Variants in ADAMTS14 observed in about 807,000 individuals in gnomAD.
ADAMTS14 encodes the protein ADAM metallopeptidase with thrombospondin type 1 motif 14.
ADAMTS14 carries 100 observed loss-of-function variants against 128.6 expected under a neutral mutation model. The observed-to-expected ratio is 0.78, with a 90% CI of 0.66 to 0.92. The LOEUF (loss-of-function observed/expected upper bound fraction) is 0.92. Among genes scored for constraint, ADAMTS14 ranks in the 40% least tolerant of loss-of-function variants. The pLI is 0.00. For missense variants in ADAMTS14, 1,562 were observed against 1,658.6 expected, an observed-to-expected ratio of 0.94 and a Z score of 1.01; for synonymous variants, 665 against 653.8, an observed-to-expected ratio of 1.02 and a Z score of -0.26.
chr10:70,673,176 C>A (rs1171272697), intron 1 of ADAMTS14, among the ~76,000 whole-genome samples: 1 of 152,156 alleles, frequency 6.6e-6, no homozygotes, highest in East Asian at 1.9e-4. Flanking sequence ...TCTTCTTTCC[C>A]CTCTTCCCCA....
intron 2 of ADAMTS14, among the ~76,000 whole-genome samples, chr10:70,694,332 G>A (rs1589270804): frequency 6.6e-6 from 1 of 152,292 alleles, no homozygotes; most frequent in East Asian, 1.9e-4. Flanking sequence ...TCGTCTCCAT[G>A]CATGCATATT....
chr10:70,712,735 G>A (rs1166209959), intron 4 of ADAMTS14, among the ~76,000 whole-genome samples: 1 of 152,178 alleles, frequency 6.6e-6, no homozygotes, highest in Non-Finnish European at 1.5e-5. Flanking sequence ...CCGATAAGGG[G>A]GAAAGACACG....
chr10:70,750,050 C>CTGT, intron 16 of ADAMTS14, 65 bp downstream of exon 16: 1 of 1,581,180 alleles, frequency 6.3e-7, no homozygotes, highest in Non-Finnish European at 8.6e-7. Context: ...CTCGCTACAT[C>CTGT]TGCTGCCAAG....
intron 16 of ADAMTS14, 135 bp from the exon 17 acceptor site, chr10:70,751,343 G>C (rs1017545625): frequency 6.9e-6 from 6 of 874,380 alleles, no homozygotes; most frequent in Admixed American, 2.1e-5. Flanking sequence ...CCCCAGCCAT[G>C]CTGGGCACAA....
intron 4 of ADAMTS14, among the ~76,000 whole-genome samples, chr10:70,719,583 T>A (rs117524012): frequency 0.068 from 10,065 of 147,674 alleles, 444 homozygotes; most frequent in East Asian, 0.18. Flanking sequence ...TATTTTTTTT[T>A]TTAAAAAATA....
chr10:70,691,956 T>C (rs1201953545), intron 2 of ADAMTS14, among the ~76,000 whole-genome samples: 2 of 152,208 alleles, frequency 1.3e-5, no homozygotes, highest in Non-Finnish European at 2.9e-5. Flanking sequence ...TAAATGTCCC[T>C]TTTCGTGCCA....
At chr10:70,694,343 A>G (rs1840274186) in intron 2 of ADAMTS14, among the ~76,000 whole-genome samples, 1 of 152,202 alleles carries the variant, frequency 6.6e-6, no homozygotes, top group African/African-American at 2.4e-5. Flanking sequence ...CATGCATATT[A>G]TCTTTTTAAT....
intron 6 of ADAMTS14, among the ~76,000 whole-genome samples, chr10:70,731,950 G>A (rs1841652649): frequency 1.3e-5 from 2 of 152,162 alleles, no homozygotes; most frequent in Admixed American, 1.3e-4. Flanking sequence ...ATTGACTGTG[G>A]GACTGGAGGG....
intron 5 of ADAMTS14, 22 bp downstream of exon 5, chr10:70,729,399 C>T (rs1841554076): frequency 6.2e-7 from 1 of 1,605,268 alleles, no homozygotes; most frequent in Non-Finnish European, 8.5e-7. Context: ...TGTCAGCAGG[C>T]AGGGTTTGCG....
intron 15 of ADAMTS14, among the ~76,000 whole-genome samples, chr10:70,748,439 G>A (rs1049280029): frequency 2.6e-5 from 4 of 152,224 alleles, no homozygotes; most frequent in African/African-American, 9.6e-5. Flanking sequence ...GAACCTGAGG[G>A]AGAGGCCTGG....
At chr10:70,712,671 T>C (rs1840899160) in intron 4 of ADAMTS14, among the ~76,000 whole-genome samples, 1 of 152,080 alleles carries the variant, frequency 6.6e-6, no homozygotes, top group Non-Finnish European at 1.5e-5. Flanking sequence ...TTTGCGTTGC[T>C]CTTAGTGACC....
chr10:70,717,569 T>C (rs1467188409), intron 4 of ADAMTS14, among the ~76,000 whole-genome samples: 1 of 152,270 alleles, frequency 6.6e-6, no homozygotes. Flanking sequence ...AAGGTGGATC[T>C]GCAGGTTCCC....
At chr10:70,698,628 A>T (rs1840402747) in intron 2 of ADAMTS14, among the ~76,000 whole-genome samples, 1 of 152,222 alleles carries the variant, frequency 6.6e-6, no homozygotes, top group Non-Finnish European at 1.5e-5. Flanking sequence ...GGTAGGATGC[A>T]CGCAATGGGA....
intron 16 of ADAMTS14, among the ~76,000 whole-genome samples, chr10:70,750,965 C>A (rs972201735): frequency 4.6e-5 from 7 of 152,172 alleles, no homozygotes; most frequent in African/African-American, 1.7e-4. Flanking sequence ...TAAAAGCATA[C>A]ACAGCAAAAG....
At chr10:70,699,690 G>A (rs1195335307) in intron 2 of ADAMTS14, among the ~76,000 whole-genome samples, 1 of 152,318 alleles carries the variant, frequency 6.6e-6, no homozygotes, top group East Asian at 1.9e-4. Context: ...TGGAGGCCAC[G>A]TGGAGTCACT....
intron 19 of ADAMTS14, among the ~76,000 whole-genome samples, chr10:70,757,157 C>A (rs887948396): frequency 7.2e-5 from 11 of 152,032 alleles, no homozygotes; most frequent in Non-Finnish European, 1.3e-4. Flanking sequence ...TTCCTGGAGT[C>A]CCTGCCCCTC....
intron 2 of ADAMTS14, among the ~76,000 whole-genome samples, chr10:70,695,852 G>T (rs1013361052): frequency 6.6e-6 from 1 of 152,240 alleles, no homozygotes; most frequent in Non-Finnish European, 1.5e-5. Context: ...CTAAAGCCAT[G>T]GTCCTGGGGA....
intron 4 of ADAMTS14, among the ~76,000 whole-genome samples, chr10:70,720,711 A>G (rs368159163): frequency 6.6e-6 from 1 of 152,264 alleles, no homozygotes; most frequent in Non-Finnish European, 1.5e-5. Context: ...ACACATGCAC[A>G]TGCGTGCACA....
rs372183319 is a variant in ADAMTS14 at position 70,758,204 on chromosome 10, G to C, written c.3097G>C (p.Asp1033His). 12 of 1,614,176 alleles carry C rather than the reference G, an allele frequency of 7.4e-6. No homozygotes were observed. The highest frequency in any genetic ancestry group is 1.0e-5 in the Non-Finnish European group (12 of 1,180,026). The change falls in exon 21 of 22, where the codon GAT becomes CAT. Residue 1033 changes from aspartate to histidine, a missense_variant. By Grantham distance (81) the Asp-to-His change is moderately conservative (BLOSUM62 -1). Transcript: ENST00000373207. Reference sequence around the variant, plus strand: ...TCACCAGAACTCCACGGTGAGGGCCGATGTCTGGGAACTTGGGACGCCAGA... The same window carrying C: ...TCACCAGAACTCCACGGTGAGGGCCCATGTCTGGGAACTTGGGACGCCAGA... ...GNHQNSTVRA[D>H]VWELGTPEGQ...
Sources: allele counts gnomAD v4.1 joint callset (sites outside exome capture counted in the v4.1 genomes callset), GRCh38; gene constraint gnomAD v4.1.1; transcripts MANE v1.5; gene names NCBI Gene and HGNC (gene_info 2026-07-23, HGNC 2026-07-21).